The following MAD1L1 variants were observed in gnomAD, a reference collection of about 807,000 sequenced individuals.
MAD1L1 encodes the protein mitotic spindle assembly checkpoint protein MAD1.
MAD1L1 carries 95 observed loss-of-function variants against 96.9 expected under a neutral mutation model. The observed-to-expected ratio is 0.98, with a 90% CI of 0.83 to 1.16. The LOEUF (loss-of-function observed/expected upper bound fraction) is 1.16, where lower values mean the gene tolerates loss of function less well. Among genes scored for constraint, MAD1L1 ranks in the 50% most tolerant of loss-of-function variants. The probability of loss-of-function intolerance (pLI) is 0.00; values close to 1 mark genes in which losing one functional copy is unlikely to be tolerated. For synonymous variants in MAD1L1, 473 were observed against 396.6 expected, an observed-to-expected ratio of 1.19 and a Z score of -2.29; for missense variants, 1,007 against 954.4, an observed-to-expected ratio of 1.06 and a Z score of -0.73.
At chr7:1,999,592 C>T (rs1219815357) in intron 14 of MAD1L1, among the ~76,000 whole-genome samples, 4 of 152,234 alleles carry the variant, frequency 2.6e-5, no homozygotes, top group African/African-American at 7.2e-5. Flanking sequence ...ATGCCCACTT[C>T]AGGAGGAGAC....
At chr7:1,878,155 T>A (rs1785482367) in intron 18 of MAD1L1, among the ~76,000 whole-genome samples, 1 of 152,030 alleles carries the variant, frequency 6.6e-6, no homozygotes, top group Admixed American at 6.5e-5. Flanking sequence ...TAGTTCTATA[T>A]CTATTAAATT....
intron 14 of MAD1L1, among the ~76,000 whole-genome samples, chr7:1,995,353 C>A (rs377594415): frequency 6.6e-6 from 1 of 152,246 alleles, no homozygotes; most frequent in East Asian, 1.9e-4. Flanking sequence ...GAATCACTTC[C>A]CAGAACAGCC....
At chr7:2,074,173 G>A (rs915230200) in intron 11 of MAD1L1, among the ~76,000 whole-genome samples, 1 of 152,184 alleles carries the variant, frequency 6.6e-6, no homozygotes, top group African/African-American at 2.4e-5. Flanking sequence ...ATGGCAGCAC[G>A]GAACACCGCA....
chr7:2,105,434 G>C (rs1362494071), intron 11 of MAD1L1, among the ~76,000 whole-genome samples: 1 of 147,290 alleles, frequency 6.8e-6, no homozygotes, highest in East Asian at 2.1e-4. Flanking sequence ...GCAAAGCGTG[G>C]GCTCCACGGG....
chr7:2,212,180 G>T (rs888161086), intron 10 of MAD1L1, among the ~76,000 whole-genome samples: 6 of 152,186 alleles, frequency 3.9e-5, no homozygotes, highest in Non-Finnish European at 7.3e-5. Context: ...GGGAAGGATG[G>T]GGCAGGAGGA....
intron 16 of MAD1L1, among the ~76,000 whole-genome samples, chr7:1,939,174 A>G (rs1427590235): frequency 9.0e-6 from 1 of 110,962 alleles, no homozygotes. Context: ...CATACGGGCC[A>G]GGGCCAGGAC....
At chr7:1,980,401 C>T (rs1005124810) in intron 15 of MAD1L1, 52 bp downstream of exon 15, 12 of 1,523,840 alleles carry the variant, frequency 7.9e-6, no homozygotes. Context: ...GTATCCGCCT[C>T]CTCTCTGGGG....
At chr7:1,980,616 C>G (rs1780859654) in intron 14 of MAD1L1, 75 bp from the exon 15 acceptor site, 2 of 1,180,132 alleles carry the variant, frequency 1.7e-6, no homozygotes, top group Non-Finnish European at 2.5e-6. Context: ...AGCCCAGGCC[C>G]CTGAGACCAC....
intron 12 of MAD1L1, among the ~76,000 whole-genome samples, chr7:2,055,084 G>A (rs1784332622): frequency 6.6e-6 from 1 of 152,252 alleles, no homozygotes; most frequent in East Asian, 1.9e-4. Flanking sequence ...GGGGGCAGCA[G>A]AGACAGAGGA....
intron 10 of MAD1L1, among the ~76,000 whole-genome samples, chr7:2,171,313 G>A (rs1584477999): frequency 6.6e-6 from 1 of 152,338 alleles, no homozygotes; most frequent in East Asian, 1.9e-4. Context: ...CTCAACCTAG[G>A]CTCTTACCCA....
At chr7:2,060,019 A>C (rs1451848682) in intron 12 of MAD1L1, among the ~76,000 whole-genome samples, 2 of 152,192 alleles carry the variant, frequency 1.3e-5, no homozygotes, top group Non-Finnish European at 2.9e-5. Context: ...TGTGGCATTC[A>C]TGGTTCACAA....
At chr7:1,828,145 C>T (rs922824812) in intron 18 of MAD1L1, among the ~76,000 whole-genome samples, 33 of 152,012 alleles carry the variant, frequency 2.2e-4, no homozygotes, top group Non-Finnish European at 4.3e-4. Flanking sequence ...AGAGGGCGGC[C>T]GGCAGCTTCC....
intron 18 of MAD1L1, chr7:1,848,522 G>C (rs1400744234): frequency 6.7e-6 from 1 of 148,492 alleles, no homozygotes; most frequent in Non-Finnish European, 1.5e-5. Context: ...TTTTCTTATG[G>C]GAGAGCAAGA....
intron 18 of MAD1L1, among the ~76,000 whole-genome samples, chr7:1,891,614 G>C (rs1470533346): frequency 6.6e-6 from 1 of 152,040 alleles, no homozygotes; most frequent in African/African-American, 2.4e-5. Flanking sequence ...ATCTCACTCT[G>C]TCACCCAGGC....
intron 6 of MAD1L1, 35 bp from the exon 7 acceptor site, chr7:2,218,078 G>T: frequency 6.5e-7 from 1 of 1,537,780 alleles, no homozygotes; most frequent in South Asian, 1.1e-5. Flanking sequence ...CACAGAAACA[G>T]GCATGCGGCA....
chr7:1,907,995 G>C (rs1466978889), intron 17 of MAD1L1, among the ~76,000 whole-genome samples: 1 of 152,244 alleles, frequency 6.6e-6, no homozygotes, highest in Non-Finnish European at 1.5e-5. Flanking sequence ...GAGCTCAGGA[G>C]TCCGGCCAGG....
At position 2,146,105 on chromosome 7, in the gene MAD1L1, T is replaced by G. The variant is rs1789286111; in HGVS notation, c.1073+3047A>C. On this transcript the variant is annotated intron_variant, in intron 11 of 18. Coordinates refer to ENST00000265854, the MANE Select transcript of MAD1L1 (RefSeq NM_001013836.2). The surrounding 1 kb of genome is among the most constrained non-coding windows in gnomAD (Gnocchi z 6.2). Reference sequence around the variant, plus strand: ...CGCCGGCTGATAGGCAACATTCATCTTCTAAAAGCCAAGCTCCTGAAAACA... The same window carrying G: ...CGCCGGCTGATAGGCAACATTCATCGTCTAAAAGCCAAGCTCCTGAAAACA... 6.6e-6 allele frequency among the ~76,000 whole-genome samples: 1 copy of G among 152,212 alleles called. No homozygotes were observed. Among genetic ancestry groups the G allele is most frequent in the African/African-American group, 2.4e-5 (1 of 41,436 alleles).
intron 16 of MAD1L1, among the ~76,000 whole-genome samples, chr7:1,956,942 G>A (rs901179375): frequency 2.0e-5 from 3 of 152,228 alleles, no homozygotes; most frequent in East Asian, 1.9e-4. Context: ...AGCAAGCAAC[G>A]TGGGCACCAA....
chr7:1,998,694 G>A (rs922384053), intron 14 of MAD1L1, among the ~76,000 whole-genome samples: 2 of 152,146 alleles, frequency 1.3e-5, no homozygotes, highest in South Asian at 4.1e-4. Flanking sequence ...TCAGGGCTGG[G>A]AACTAGGAAG....
Sources: allele counts gnomAD v4.1 joint callset (sites outside exome capture counted in the v4.1 genomes callset), GRCh38; gene constraint gnomAD v4.1.1; non-coding constraint Gnocchi (gnomAD v3.1); transcripts MANE v1.5; gene names NCBI Gene and HGNC (gene_info 2026-07-23, HGNC 2026-07-21).